Variants in SYNPR observed in about 807,000 individuals in gnomAD.
The protein encoded by SYNPR is synaptoporin.
SYNPR carries 23 observed loss-of-function variants against 32.9 expected under a neutral mutation model. The observed-to-expected ratio is 0.70, with a 90% confidence interval of 0.50 to 0.99. SYNPR has a LOEUF of 0.99. Ranked by LOEUF, SYNPR falls within the 50% of genes least tolerant of loss-of-function variation. The pLI is 0.00. For synonymous variants in SYNPR, 146 were observed against 135.9 expected (o/e 1.07, Z -0.52); for missense variants, 318 against 349.3 (o/e 0.91, Z 0.71).
intron 4 of SYNPR, among the ~76,000 whole-genome samples, chr3:63,597,754 C>T (rs538873449): frequency 5.3e-5 from 8 of 152,284 alleles, no homozygotes; most frequent in South Asian, 2.1e-4. Flanking sequence ...GAAGGTCATA[C>T]GATCTTCGTT....
At chr3:63,569,662 C>T (rs116571028) in intron 4 of SYNPR, among the ~76,000 whole-genome samples, 2,080 of 152,358 alleles carry the variant, frequency 0.014, 28 homozygotes, top group Non-Finnish European at 0.02. Context: ...TGCATAGCCA[C>T]GCAAGCGTAG....
At chr3:63,226,330 A>G (rs1050973051), upstream of SYNPR, among the ~76,000 whole-genome samples, 1 of 152,186 alleles carries the variant, frequency 6.6e-6, no homozygotes, top group Non-Finnish European at 1.5e-5. Flanking sequence ...CTATCATACA[A>G]CCTGGCAATA....
At chr3:63,597,121 T>A (rs891348475) in intron 4 of SYNPR, among the ~76,000 whole-genome samples, 13 of 152,218 alleles carry the variant, frequency 8.5e-5, no homozygotes, top group Non-Finnish European at 1.5e-4. Context: ...TAACTGTGGC[T>A]ACTTTAAAGC....
intron 1 of SYNPR, among the ~76,000 whole-genome samples, chr3:63,240,262 T>G (rs1319797176): frequency 6.6e-6 from 1 of 152,212 alleles, no homozygotes; most frequent in East Asian, 1.9e-4. Flanking sequence ...TGCTTTAACT[T>G]GTAAAGTTAA....
chr3:63,330,858 A>G (rs1650736649), intron 2 of SYNPR, among the ~76,000 whole-genome samples: 1 of 152,176 alleles, frequency 6.6e-6, no homozygotes, highest in Admixed American at 6.6e-5. Flanking sequence ...GATGCTCTTG[A>G]TGATCCACCT....
intron 2 of SYNPR, among the ~76,000 whole-genome samples, chr3:63,324,506 A>G (rs1426366278): frequency 6.6e-6 from 1 of 152,130 alleles, no homozygotes; most frequent in African/African-American, 2.4e-5. Context: ...TATAGAATGG[A>G]AAATCAGAAC....
At chr3:63,594,549 C>A (rs749839503) in intron 4 of SYNPR, among the ~76,000 whole-genome samples, 9 of 152,062 alleles carry the variant, frequency 5.9e-5, no homozygotes, top group Non-Finnish European at 1.0e-4. Flanking sequence ...AGCCAAACTC[C>A]CTCGGTTGAA....
chr3:63,459,530 G>T (rs1700543612), intron 2 of SYNPR, among the ~76,000 whole-genome samples: 1 of 152,094 alleles, frequency 6.6e-6, no homozygotes, highest in Non-Finnish European at 1.5e-5. Context: ...GCAAAGTTTG[G>T]CCTCCTTGAG....
At chr3:63,201,976 C>A in the SYNPR span, among the ~76,000 whole-genome samples, 1 of 152,058 alleles carries the variant, frequency 6.6e-6, no homozygotes, top group African/African-American at 2.4e-5. Context: ...AGTTAGAATG[C>A]CTTTTTGATA....
intron 4 of SYNPR, among the ~76,000 whole-genome samples, chr3:63,589,541 A>G (rs1316459144): frequency 2.0e-5 from 3 of 151,578 alleles, no homozygotes; most frequent in Non-Finnish European, 4.4e-5. Flanking sequence ...ATGAACATTG[A>G]TGCAAAAATC....
chr3:63,333,567 C>A (rs373315310), intron 2 of SYNPR, among the ~76,000 whole-genome samples: 1 of 152,148 alleles, frequency 6.6e-6, no homozygotes, highest in Non-Finnish European at 1.5e-5. Flanking sequence ...TAGGCACACA[C>A]CACCACGCTC....
chr3:63,365,566 T>C (rs992223945), intron 2 of SYNPR, among the ~76,000 whole-genome samples: 12 of 152,210 alleles, frequency 7.9e-5, no homozygotes, highest in African/African-American at 2.9e-4. Context: ...ATTTCAGCTT[T>C]ATAATTTGTT....
At chr3:63,485,725 A>G (rs1701135806) in intron 3 of SYNPR, among the ~76,000 whole-genome samples, 1 of 152,212 alleles carries the variant, frequency 6.6e-6, no homozygotes, top group South Asian at 2.1e-4. Context: ...GGAAGTAACC[A>G]GCTCATTGAA....
intron 2 of SYNPR, among the ~76,000 whole-genome samples, chr3:63,308,530 T>C (rs908150475): frequency 1.3e-5 from 2 of 151,942 alleles, no homozygotes; most frequent in African/African-American, 2.4e-5. Flanking sequence ...AGCCTTATTA[T>C]GTCTGAAAAA....
At chr3:63,379,570 G>C (rs1315274547) in intron 2 of SYNPR, among the ~76,000 whole-genome samples, 3 of 151,938 alleles carry the variant, frequency 2.0e-5, no homozygotes, top group African/African-American at 7.2e-5. Context: ...CTTACATAAT[G>C]TCTCTTTCTG....
At chr3:63,283,497 A>T (rs1425638830) in intron 2 of SYNPR, among the ~76,000 whole-genome samples, 1 of 152,184 alleles carries the variant, frequency 6.6e-6, no homozygotes, top group Non-Finnish European at 1.5e-5. Flanking sequence ...CCCTGATGAT[A>T]AAATAGGTCC....
intron 2 of SYNPR, among the ~76,000 whole-genome samples, chr3:63,322,053 G>A (rs2087116402): frequency 6.6e-6 from 1 of 151,958 alleles, no homozygotes; most frequent in South Asian, 2.1e-4. Flanking sequence ...TATTGCAACA[G>A]TAAGTGAGGA....
chr3:63,527,538 G>A (rs1702035898), intron 3 of SYNPR, among the ~76,000 whole-genome samples: 1 of 152,168 alleles, frequency 6.6e-6, no homozygotes, highest in Non-Finnish European at 1.5e-5. Flanking sequence ...GAGCACCTCT[G>A]CAGACAGAGG....
At chr3:63,388,556 T>TTGTGTGTGTGTGTGTGTGTGTGTGTG (rs749669898) in intron 2 of SYNPR, among the ~76,000 whole-genome samples, 1 of 128,018 alleles carries the variant, frequency 7.8e-6, no homozygotes, top group Non-Finnish European at 1.6e-5. Context: ...CCCGGCTAAT[T>TTGTGTGTGTGTGTGTGTGTGTGTGTG]TGTGTGTGTG....
Sources: allele counts gnomAD v4.1 joint callset (sites outside exome capture counted in the v4.1 genomes callset), GRCh38; gene constraint gnomAD v4.1.1; transcripts MANE v1.5; gene names NCBI Gene and HGNC (gene_info 2026-07-23, HGNC 2026-07-21).